The following PIWIL4 variants were observed in gnomAD, a reference collection of about 807,000 sequenced individuals.
PIWIL4 encodes piwi-like protein 4.
Under a neutral mutation model 100.9 loss-of-function variants are expected in PIWIL4, and 50 were observed. That is an observed-to-expected ratio of 0.50 (90% CI 0.39 to 0.63). The LOEUF is 0.63. Among genes scored for constraint, PIWIL4 ranks in the 20% least tolerant of loss-of-function variants. The pLI is 0.00. For missense variants in PIWIL4, 887 were observed against 1,043.3 expected (o/e 0.85, Z 2.06); for synonymous variants, 342 against 367.5 (o/e 0.93, Z 0.79).
intron 17 of PIWIL4, among the ~76,000 whole-genome samples, chr11:94,618,639 G>C (rs117537486): frequency 0.023 from 3,435 of 152,274 alleles, 69 homozygotes; most frequent in Middle Eastern, 0.034. Context: ...CTGTGTTTCA[G>C]TACAAAATTT....
intron 11 of PIWIL4, among the ~76,000 whole-genome samples, chr11:94,600,604 C>T (rs923278521): frequency 1.3e-5 from 2 of 152,100 alleles, no homozygotes; most frequent in Non-Finnish European, 2.9e-5. Flanking sequence ...TTTCGGGCAC[C>T]GTTGTCACTG....
chr11:94,577,177 C>T, intron 3 of PIWIL4, 101 bp from the exon 4 acceptor site: 1 of 952,908 alleles, frequency 1.0e-6, no homozygotes, highest in South Asian at 1.7e-5. Context: ...TGCTTTAAAG[C>T]AACTACTATG....
Position 94,587,083 on chromosome 11 carries a change from G to A in PIWIL4, c.750G>A (p.Val250=), listed in dbSNP as rs921863896. The A allele has an allele frequency of 2.5e-6, 4 of 1,613,494 alleles. No homozygotes were observed. Among genetic ancestry groups the A allele is most frequent in the Admixed American group, 3.3e-5 (2 of 59,988 alleles). ...LSLWPGFAIS[V]SYFERKLLFS... is the part of the protein sequence containing the mutation. ...TTTGGCCTGGGTTTGCCATTTCTGTGTCATATTTTGAAAGGAAGCTCCTGT... is the reference window on the plus strand; with the variant it reads ...TTTGGCCTGGGTTTGCCATTTCTGTATCATATTTTGAAAGGAAGCTCCTGT... The change falls in exon 7 of 20, where the codon GTG becomes GTA. Residue 250 remains valine, a synonymous_variant. Transcript: ENST00000299001.
chr11:94,604,840 C>T (rs906425513), intron 13 of PIWIL4, among the ~76,000 whole-genome samples: 1 of 152,120 alleles, frequency 6.6e-6, no homozygotes, highest in South Asian at 2.1e-4. Flanking sequence ...TAGCTAAGTG[C>T]TATCTCTTTG....
rs1427053952 is a variant in PIWIL4, at chr11:94,608,637, G to A, written c.1894G>A (p.Asp632Asn). 1.2e-6 allele frequency: 2 copies of A among 1,614,140 alleles called. No individual in the cohort carries two copies. Among genetic ancestry groups the A allele is most frequent in the Admixed American group, 1.7e-5 (1 of 60,028 alleles). Residue 632 changes from aspartate to asparagine, a missense_variant, in exon 15 of 20, where the codon GAC becomes AAC. By Grantham distance (23) the Asp-to-Asn change is conservative. Transcript: ENST00000299001. ...TGTCTGTAAAGATGCACTCAGCAAGGACGTGATGGTTGTTGGATGCGTGGC... is the reference window on the plus strand; with the variant it reads ...TGTCTGTAAAGATGCACTCAGCAAGAACGTGATGGTTGTTGGATGCGTGGC... ...IDVCKDALSK[D>N]VMVVGCVASV...
intron 4 of PIWIL4, among the ~76,000 whole-genome samples, chr11:94,582,195 C>G (rs989603750): frequency 6.6e-6 from 1 of 152,106 alleles, no homozygotes; most frequent in Non-Finnish European, 1.5e-5. Flanking sequence ...GCCACCTCCC[C>G]TCAACCACTC....
In PIWIL4 at chr11:94,619,817, A is replaced by G. The variant is rs1948887018; in HGVS notation, c.2226A>G (p.Glu742=). The change falls in exon 18 of 20, where the codon GAA becomes GAG. Residue 742 remains glutamate, a synonymous_variant. Coordinates refer to ENST00000299001, the MANE Select transcript of PIWIL4 (RefSeq NM_152431.3). ...AGTGCATGCCACGATTCTTTACCGA[A>G]ATGAACCGCACTGTACAGAACCCCC... is the stretch of plus-strand genomic sequence containing the variant. ...RKKCMPRFFT[E]MNRTVQNPPL... 1 of 1,614,044 alleles carries G rather than the reference A, an allele frequency of 6.2e-7. No individual in the cohort carries two copies. Among genetic ancestry groups the G allele is most frequent in the South Asian group, 1.1e-5 (1 of 91,078 alleles).
chr11:94,567,777 G>T, intron 1 of PIWIL4, 172 bp downstream of exon 1: 1 of 1,245,414 alleles, frequency 8.0e-7, no homozygotes, highest in South Asian at 3.2e-5. Flanking sequence ...CTCCTTCTAG[G>T]GATCTTGTCT....
intron 3 of PIWIL4, 26 bp from the exon 4 acceptor site, chr11:94,577,252 A>C (rs1948250546): frequency 6.5e-7 from 1 of 1,536,486 alleles, no homozygotes; most frequent in African/African-American, 1.4e-5. Flanking sequence ...CTGATTAAAA[A>C]ATTGTTTTTT....
chr11:94,597,745 G>T (rs899987670), intron 10 of PIWIL4, 59 bp from the exon 11 acceptor site: 1 of 1,241,048 alleles, frequency 8.1e-7, no homozygotes. Flanking sequence ...AGCCCCTGAC[G>T]AATTCAGTAA....
At chr11:94,610,527 C>A (rs561668097) in intron 15 of PIWIL4, among the ~76,000 whole-genome samples, 6 of 152,048 alleles carry the variant, frequency 3.9e-5, no homozygotes, top group Non-Finnish European at 8.8e-5. Flanking sequence ...ACTTTTTGGT[C>A]ATAGCCATCC....
Position 94,575,083 on chromosome 11 carries a change from G to A in PIWIL4, c.251G>A (p.Ser84Asn), listed in dbSNP as rs1314221426. The A allele has an allele frequency of 1.2e-6, 2 of 1,613,828 alleles. No individual in the cohort carries two copies. Among genetic ancestry groups the A allele is most frequent in the Admixed American group, 1.7e-5 (1 of 59,990 alleles). ...VKNKQDFMDL[S>N]ICTREKLAHV... ...AACAAACAGGACTTTATGGATTTGA[G>A]TATCTGTACCAGAGAAAAATTGGCA... Residue 84 changes from serine (S) to asparagine (N), a missense_variant, in exon 3 of 20, where the codon AGT becomes AAT. Ser to Asn is a conservative substitution (Grantham distance 46). Coordinates refer to ENST00000299001, the MANE Select transcript of PIWIL4 (RefSeq NM_152431.3).
At chr11:94,619,549 A>G (rs1049095082) in intron 17 of PIWIL4, among the ~76,000 whole-genome samples, 6 of 152,236 alleles carry the variant, frequency 3.9e-5, no homozygotes, top group Non-Finnish European at 5.9e-5. Context: ...GACTTGGGAT[A>G]GCATCCTTTT....
intron 4 of PIWIL4, among the ~76,000 whole-genome samples, chr11:94,577,826 C>A (rs1188105632): frequency 6.6e-6 from 1 of 151,776 alleles, no homozygotes; most frequent in South Asian, 2.1e-4. Flanking sequence ...GATTATAAAA[C>A]AAAAAAAGTC....
At chr11:94,589,339 G>T in intron 8 of PIWIL4, 107 bp downstream of exon 8, 1 of 862,718 alleles carries the variant, frequency 1.2e-6, no homozygotes, top group Non-Finnish European at 1.8e-6. Flanking sequence ...GTCTGCCTCC[G>T]ACCTGATTCT....
At chr11:94,585,993 A>G (rs535722723) in intron 6 of PIWIL4, among the ~76,000 whole-genome samples, 1 of 152,276 alleles carries the variant, frequency 6.6e-6, no homozygotes, top group African/African-American at 2.4e-5. Flanking sequence ...GTGGTCAGCT[A>G]TGTCTTGAAC....
chr11:94,583,168 G>C (rs1233819480), intron 4 of PIWIL4, among the ~76,000 whole-genome samples: 2 of 141,346 alleles, frequency 1.4e-5, no homozygotes, highest in Non-Finnish European at 3.2e-5. Flanking sequence ...AAGAACCACT[G>C]CTCTGGAACT....
At chr11:94,567,865 T>C in intron 1 of PIWIL4, 1 of 1,036,242 alleles carries the variant, frequency 9.7e-7, no homozygotes, top group Non-Finnish European at 1.2e-6. Context: ...TCTCTTCTAC[T>C]TTCTGAGTTT....
intron 12 of PIWIL4, among the ~76,000 whole-genome samples, chr11:94,602,385 A>C (rs1214316313): frequency 2.6e-5 from 4 of 152,154 alleles, no homozygotes; most frequent in African/African-American, 9.7e-5. Flanking sequence ...ACTTGATTTT[A>C]TGCTTTAAAA....
Sources: allele counts gnomAD v4.1 joint callset (sites outside exome capture counted in the v4.1 genomes callset), GRCh38; gene constraint gnomAD v4.1.1; transcripts MANE v1.5; gene names NCBI Gene and HGNC (gene_info 2026-07-23, HGNC 2026-07-21).